The following SLC43A2 variants were observed in gnomAD, a reference collection of about 807,000 sequenced individuals.
The protein encoded by SLC43A2 is large neutral amino acids transporter small subunit 4.
A neutral mutation model predicts 63.2 loss-of-function variants in SLC43A2; 38 were observed. The ratio of observed to expected loss-of-function variants is 0.60; its 90% CI spans 0.46 to 0.79. The LOEUF (loss-of-function observed/expected upper bound fraction) is 0.79. SLC43A2 is among the 30% of genes least tolerant of loss of function. The pLI, the probability that SLC43A2 is intolerant of heterozygous loss-of-function variation, is 0.00. For synonymous variants in SLC43A2, 322 were observed against 331.0 expected (o/e 0.97, Z 0.30); for missense variants, 644 against 756.2 (o/e 0.85, Z 1.74).
chr17:1,598,655 C>T (rs553045300), intron 5 of SLC43A2, among the ~76,000 whole-genome samples: 11 of 152,322 alleles, frequency 7.2e-5, no homozygotes, highest in African/African-American at 2.6e-4. Context: ...AATCTCAAGC[C>T]TGCCTGCCTT....
chr17:1,596,846 C>A (rs1325241910), intron 5 of SLC43A2, among the ~76,000 whole-genome samples: 1 of 152,202 alleles, frequency 6.6e-6, no homozygotes, highest in African/African-American at 2.4e-5. Context: ...TGGAAAGATG[C>A]TCAACATCAT....
chr17:1,603,945 G>A (rs937727394), intron 5 of SLC43A2, among the ~76,000 whole-genome samples: 4 of 152,284 alleles, frequency 2.6e-5, no homozygotes, highest in Middle Eastern at 3.4e-3. Context: ...CTGTGGCTCC[G>A]GCCAATACAC....
chr17:1,603,215 G>A (rs1043492906), intron 5 of SLC43A2: 2 of 152,120 alleles, frequency 1.3e-5, no homozygotes, highest in African/African-American at 2.4e-5. Flanking sequence ...GCTCTGGGAG[G>A]AAGAAAAGGA....
intron 13 of SLC43A2, 135 bp from the exon 14 acceptor site, chr17:1,575,900 G>C: frequency 9.8e-7 from 1 of 1,017,574 alleles, no homozygotes; most frequent in Admixed American, 2.8e-5. Context: ...GGCCCACGAG[G>C]TCCCATATGC....
In SLC43A2 at chr17:1,590,968, G is replaced by A. The variant is rs1462230316; in HGVS notation, c.932-20C>T. ...GGGCCACTGCAGGGAGAGGGTGCGGGGCTCAGGGCCGGGGCACACTGTCCC... is the reference window on the plus strand; with the variant it reads ...GGGCCACTGCAGGGAGAGGGTGCGGAGCTCAGGGCCGGGGCACACTGTCCC... On this transcript the variant is annotated intron_variant, in intron 8 of 13. Transcript: ENST00000301335. The A allele has an allele frequency of 5.2e-6, 8 of 1,548,264 alleles. No individual in the cohort carries two copies. The highest frequency in any genetic ancestry group is 7.0e-6 in the Non-Finnish European group (8 of 1,146,650).
chr17:1,618,417 T>G (rs1191827222), intron 2 of SLC43A2, among the ~76,000 whole-genome samples: 5 of 152,232 alleles, frequency 3.3e-5, no homozygotes, highest in Admixed American at 3.3e-4. Context: ...CACTCAATAA[T>G]GAATAGCTAC....
chr17:1,614,352 A>T (rs36159864), intron 4 of SLC43A2, among the ~76,000 whole-genome samples: 25,872 of 152,120 alleles, frequency 0.17, 2,295 homozygotes, highest in South Asian at 0.24. Flanking sequence ...TCCAGGGTGC[A>T]GTAAGCTGTG....
At chr17:1,575,794 A>G in intron 13 of SLC43A2, 29 bp from the exon 14 acceptor site, 2 of 1,587,350 alleles carry the variant, frequency 1.3e-6, no homozygotes, top group Non-Finnish European at 1.7e-6. Flanking sequence ...CGCGCATCAC[A>G]GGGCGTGGTG....
chr17:1,617,542 C>T (rs777402127), intron 2 of SLC43A2, among the ~76,000 whole-genome samples: 39 of 152,114 alleles, frequency 2.6e-4, no homozygotes, highest in African/African-American at 3.9e-4. Flanking sequence ...AGGCACCTGC[C>T]ACCGCGCCCG....
intron 5 of SLC43A2, among the ~76,000 whole-genome samples, chr17:1,595,884 T>C (rs1008021363): frequency 1.3e-5 from 2 of 152,198 alleles, no homozygotes; most frequent in African/African-American, 4.8e-5. Flanking sequence ...TGCAAGCAAA[T>C]TAACTGTTAC....
In SLC43A2 at chr17:1,574,031, A is replaced by C. The variant is rs1213724629; in HGVS notation, c.*1573T>G. ...ACCTGCCCTTTCCTCTTCTCCTTTC[A>C]TCCCCCTCCCTGCCGCCCACATCCT... On this transcript the variant is annotated 3_prime_UTR_variant, in exon 14 of 14. Transcript: ENST00000301335. 1 of 152,252 alleles carries C rather than the reference A, an allele frequency of 6.6e-6. No individual in the cohort carries two copies. Among genetic ancestry groups the C allele is most frequent in the South Asian group, 2.1e-4 (1 of 4,826 alleles). 9.4% of individuals were successfully genotyped at this position (152,252 alleles called of 1,614,324 possible).
rs1260839836 is a variant in SLC43A2, at chr17:1,577,028, C to G, written c.1425-308G>C. ...TACAGGCGCCCGCCACCACATCTGG[C>G]TAATTTTTTGTATTTTTAGTAGAGA... On this transcript the variant is annotated intron_variant, in intron 12 of 13. Transcript: ENST00000301335. This position sits in a 1 kb window ranked among gnomAD's most constrained non-coding sequence, Gnocchi z 4.9. Among the ~76,000 whole-genome samples the G allele has an allele frequency of 6.6e-6, 1 of 152,154 alleles. No homozygotes were observed. Among genetic ancestry groups the G allele is most frequent in the Non-Finnish European group, 1.5e-5 (1 of 68,036 alleles).
upstream of SLC43A2, among the ~76,000 whole-genome samples, chr17:1,629,641 C>T (rs1171618355): frequency 6.6e-6 from 1 of 152,228 alleles, no homozygotes; most frequent in Non-Finnish European, 1.5e-5. Flanking sequence ...CTCGGTCCTC[C>T]GGGGACCCTC....
chr17:1,594,779 G>C (rs561380602), intron 5 of SLC43A2, among the ~76,000 whole-genome samples: 2 of 151,644 alleles, frequency 1.3e-5, no homozygotes, highest in Non-Finnish European at 2.9e-5. Flanking sequence ...CAGTAGAGAC[G>C]GGGTTTCACC....
chr17:1,607,886 T>C (rs1467927215), intron 5 of SLC43A2, among the ~76,000 whole-genome samples: 2 of 152,126 alleles, frequency 1.3e-5, no homozygotes, highest in Non-Finnish European at 1.5e-5. Context: ...TGGCTAATTT[T>C]TGCATTTTTA....
chr17:1,592,274 A>AAAATTAT (rs1161604771), intron 6 of SLC43A2, among the ~76,000 whole-genome samples: 6 of 152,170 alleles, frequency 3.9e-5, no homozygotes, highest in African/African-American at 1.4e-4. Flanking sequence ...TAAAAATACA[A>AAAATTAT]AAATTAGCCG....
chr17:1,594,586 CTTTCT>C (rs1330567904), intron 5 of SLC43A2, among the ~76,000 whole-genome samples: 48 of 76,394 alleles, frequency 6.3e-4, no homozygotes, highest in East Asian at 4.5e-3. Flanking sequence ...TTCTTTCTTT[CTTTCT>C]TTTTTTTTTT....
In SLC43A2 at chr17:1,606,863, A is replaced by G. The variant is rs1410871649; in HGVS notation, c.501+6332T>C. 5.3e-5 allele frequency among the ~76,000 whole-genome samples: 8 copies of G among 152,230 alleles called. No homozygotes were observed. Among genetic ancestry groups the G allele is most frequent in the Non-Finnish European group, 1.2e-4 (8 of 68,022 alleles). ...GGAGAGCCAGCACTGGCTACTGGGC[A>G]GCCTACCTGACGCGACAGCCACCCT... On this transcript the variant is annotated intron_variant, in intron 5 of 13. Transcript: ENST00000301335. This position sits in a 1 kb window ranked among gnomAD's most constrained non-coding sequence, Gnocchi z 4.7.
In SLC43A2 at chr17:1,613,086, CCAGGCACATG is replaced by C. The variant is rs941035950; in HGVS notation, c.501+99_501+108del. ...ATAGCCCCTCTACTGTTTGGGACAC[CCAGGCACATG>C]CAGGCACATGGAAGGCAAGGAAACA... is the stretch of plus-strand genomic sequence containing the variant. On this transcript the variant is annotated intron_variant, in intron 5 of 13. Coordinates refer to ENST00000301335, the MANE Select transcript of SLC43A2 (RefSeq NM_152346.3). 9 of 1,003,984 alleles carry C rather than the reference CCAGGCACATG, an allele frequency of 9.0e-6. No individual in the cohort carries two copies. The African/African-American group carries it at 9.5e-5, about 11-fold the overall frequency. The allele number at this position is 1,003,984 out of a possible 1,614,324, so 62.2% of individuals were successfully genotyped here.
Sources: gnomAD v4.1 joint callset for allele counts (sites outside exome capture counted in the v4.1 genomes callset) on GRCh38, gnomAD v4.1.1 for gene constraint, Gnocchi (gnomAD v3.1) non-coding constraint, MANE v1.5 for transcripts, NCBI Gene and HGNC (gene_info 2026-07-23, HGNC 2026-07-21) for gene names.